BZW1: variants seen among roughly 807,000 people sequenced by gnomAD.
BZW1 encodes the protein basic leucine zipper and W2 domains 1, also known as eIF5-mimic protein 2.
In BZW1, 3 loss-of-function variants were observed where a neutral mutation model predicts 54.1. The ratio of observed to expected loss-of-function variants is 0.06; its 90% CI spans 0.03 to 0.14. The LOEUF is 0.14. BZW1 is among the 10% of genes least tolerant of loss of function. BZW1 has a pLI of 1.00. For synonymous variants in BZW1, 152 were observed against 162.7 expected, an observed-to-expected ratio of 0.93 and a Z score of 0.50; for missense variants, 206 against 491.7, an observed-to-expected ratio of 0.42 and a Z score of 5.50.
At position 200,826,420 on chromosome 2, in the gene BZW1, T is replaced by TGATAGATAGATAGATAGATAGATAGA. The variant is rs1559318459; in HGVS notation, c.*4242_*4243insGATAGATAGATAGATAGATAGATAGA. 36 of 62,968 alleles carry TGATAGATAGATAGATAGATAGATAGA rather than the reference T, an allele frequency of 5.7e-4. No homozygotes were observed. The highest frequency in any genetic ancestry group is 7.6e-4 in the Non-Finnish European group (24 of 31,628). The allele number at this position is 62,968 out of a possible 1,614,324, so 3.9% of individuals were successfully genotyped here. A position where few individuals can be genotyped will look rare whatever the true frequency, so the allele number is the denominator to read the frequency against. The stretch of plus-strand genomic sequence containing the variant: ...AGATAGATAGATATTTTTTTTTTTT[T>TGATAGATAGATAGATAGATAGATAGA]TTTTTTTTTTTTTTTTTTTTTTGAG... On this transcript the variant is annotated 3_prime_UTR_variant, in exon 12 of 12. Transcript: ENST00000409600.
intron 1 of BZW1, chr2:200,812,455 G>GTA: frequency 7.5e-7 from 1 of 1,340,882 alleles, no homozygotes; most frequent in Non-Finnish European, 9.6e-7. Context: ...CAGTGACTGT[G>GTA]GTCCGCTCGT....
chr2:200,820,123 A>G lies in BZW1; in HGVS notation c.1105+3A>G, dbSNP rs1378075456. 7 of 1,529,930 alleles carry G rather than the reference A, an allele frequency of 4.6e-6. No individual in the cohort carries two copies. Among genetic ancestry groups the G allele is most frequent in the Admixed American group, 2.3e-5 (1 of 44,296 alleles). The allele number at this position is 1,529,930 out of a possible 1,614,324, so 94.8% of individuals were successfully genotyped here. ...AATAGTGGTGCTTTTTTATAAAGGT[A>G]ATTTAGATTTTGAATTTTGTAAATA... On this transcript the variant is annotated splice_donor_region_variant and intron_variant, in intron 10 of 11. Transcript: ENST00000409600.
intron 2 of BZW1, 107 bp downstream of exon 2, chr2:200,813,388 C>G: frequency 1.0e-6 from 1 of 994,386 alleles, no homozygotes; most frequent in South Asian, 1.6e-5. Flanking sequence ...AAAGAAGATA[C>G]CAGAAAGAAA....
At position 200,819,491 on chromosome 2, in the gene BZW1, A is replaced by G. The variant is rs2038424773; in HGVS notation, c.967-491A>G. On this transcript the variant is annotated intron_variant, in intron 9 of 11. Transcript: ENST00000409600. ...AATTTTTCCCCCCCTCTAAAATACT[A>G]ATATTGTTTGACATTTACTTGGACT... 2.6e-5 allele frequency among the ~76,000 whole-genome samples: 4 copies of G among 152,122 alleles called. No homozygotes were observed. The South Asian group carries it at 6.2e-4, about 24-fold the overall frequency.
At chr2:200,812,353 C>CCCACCACCGCTGCGGCCG (rs1186357794) in intron 1 of BZW1, 8 of 1,276,646 alleles carry the variant, frequency 6.3e-6, no homozygotes, top group Admixed American at 8.2e-5. Context: ...GGGGCTGCCA[C>CCCACCACCGCTGCGGCCG]CCACCACCGC....
At chr2:200,812,454 T>C in intron 1 of BZW1, 2 of 1,332,726 alleles carry the variant, frequency 1.5e-6, no homozygotes, top group Non-Finnish European at 1.9e-6. Context: ...TCAGTGACTG[T>C]GGTCCGCTCG....
chr2:200,826,407 A>AGATAGATAGATAGATAGATAGATAT lies in BZW1; in HGVS notation c.*4229_*4230insGATAGATAGATAGATAGATAGATAT, dbSNP rs1559318394. ...TAGATAGATAGATAGATAGATAGAT[A>AGATAGATAGATAGATAGATAGATAT]TTTTTTTTTTTTTTTTTTTTTTTTT... On this transcript the variant is annotated 3_prime_UTR_variant, in exon 12 of 12. Transcript: ENST00000409600. The AGATAGATAGATAGATAGATAGATAT allele has an allele frequency of 1.8e-5, 1 of 54,948 alleles. No homozygotes were observed. Among genetic ancestry groups the AGATAGATAGATAGATAGATAGATAT allele is most frequent in the Non-Finnish European group, 3.3e-5 (1 of 30,422 alleles). 3.4% of individuals were successfully genotyped at this position (54,948 alleles called of 1,614,324 possible).
intron 6 of BZW1, 115 bp from the exon 7 acceptor site, chr2:200,817,859 T>G: frequency 2.8e-6 from 2 of 706,532 alleles, no homozygotes; most frequent in Non-Finnish European, 4.6e-6. Context: ...GGGTTAAGTT[T>G]GTGAGGAAAG....
At position 200,825,069 on chromosome 2, in the gene BZW1, T is replaced by C. The variant is rs2038657056; in HGVS notation, c.*2891T>C. 6.6e-6 allele frequency: 1 copy of C among 152,186 alleles called. No homozygotes were observed. The highest frequency in any genetic ancestry group is 1.5e-5 in the Non-Finnish European group (1 of 68,152). The allele number at this position is 152,186 out of a possible 1,614,324, so 9.4% of individuals were successfully genotyped here. On this transcript the variant is annotated 3_prime_UTR_variant, in exon 12 of 12. Coordinates refer to ENST00000409600, the MANE Select transcript of BZW1 (RefSeq NM_001207067.2). Reference sequence around the variant, plus strand: ...TTTGTACATGAAAAGAGTAAAATGTTTTTGTTTTTGTTTTGGAGACAGTCT... The same window carrying C: ...TTTGTACATGAAAAGAGTAAAATGTCTTTGTTTTTGTTTTGGAGACAGTCT...
At chr2:200,821,054 C>A in intron 10 of BZW1, 129 bp from the exon 11 acceptor site, 1 of 1,125,930 alleles carries the variant, frequency 8.9e-7, no homozygotes, top group Non-Finnish European at 1.3e-6. Context: ...TATTATCTTC[C>A]ATTTCTCATG....
At chr2:200,821,419 T>A in intron 11 of BZW1, 114 bp downstream of exon 11, 1 of 1,327,168 alleles carries the variant, frequency 7.5e-7, no homozygotes, top group Non-Finnish European at 1.0e-6. Context: ...GGAGTAGAGA[T>A]TTTTGTTATA....
intron 8 of BZW1, 84 bp from the exon 9 acceptor site, chr2:200,818,671 T>G: frequency 6.9e-7 from 1 of 1,446,596 alleles, no homozygotes; most frequent in African/African-American, 1.4e-5. Flanking sequence ...AGTTGTTAGT[T>G]TTTGTTAAAG....
At chr2:200,815,274 G>A in intron 2 of BZW1, 67 bp from the exon 3 acceptor site, 3 of 1,439,996 alleles carry the variant, frequency 2.1e-6, no homozygotes, top group Non-Finnish European at 2.8e-6. Context: ...TCTTCATAAG[G>A]TGATAGTTTT....
chr2:200,815,020 A>G (rs1416075916), intron 2 of BZW1, among the ~76,000 whole-genome samples: 2 of 152,242 alleles, frequency 1.3e-5, no homozygotes, highest in East Asian at 1.9e-4. Flanking sequence ...ACAAAACCCA[A>G]AGGAATAAAA....
At chr2:200,820,208 C>G (rs2038458872) in intron 10 of BZW1, 88 bp downstream of exon 10, 9 of 1,188,384 alleles carry the variant, frequency 7.6e-6, no homozygotes, top group Admixed American at 3.1e-5. Context: ...ATCTGGACAT[C>G]AGCTCCCTGA....
chr2:200,812,331 G>A, intron 1 of BZW1: 1 of 1,259,442 alleles, frequency 7.9e-7, no homozygotes, highest in Admixed American at 4.1e-5. Flanking sequence ...GGCTTCCGGC[G>A]GGCGGGGCGG....
chr2:200,812,340 G>T, intron 1 of BZW1: 1 of 1,263,778 alleles, frequency 7.9e-7, no homozygotes, highest in South Asian at 3.1e-5. Flanking sequence ...CGGGCGGGGC[G>T]GAGGGGCTGC....
At chr2:200,813,167 A>G in intron 1 of BZW1, 41 bp from the exon 2 acceptor site, 2 of 1,521,752 alleles carry the variant, frequency 1.3e-6, no homozygotes, top group Non-Finnish European at 1.8e-6. Flanking sequence ...AAAAATTAGT[A>G]TTATGGCACT....
chr2:200,812,255 C>T (rs1250750547), intron 1 of BZW1: 4 of 1,232,046 alleles, frequency 3.2e-6, no homozygotes, highest in African/African-American at 1.6e-5. Flanking sequence ...GGCGGGCTCC[C>T]TCTGGGCCGT....
Sources: gnomAD v4.1 joint callset for allele counts (sites outside exome capture counted in the v4.1 genomes callset) on GRCh38, gnomAD v4.1.1 for gene constraint, MANE v1.5 for transcripts, NCBI Gene and HGNC (gene_info 2026-07-23, HGNC 2026-07-21) for gene names.